SLC12A8: variants seen among roughly 807,000 people sequenced by gnomAD.
SLC12A8 encodes the protein cation-chloride cotransporter 9.
A neutral mutation model predicts 75.6 loss-of-function variants in SLC12A8; 69 were observed. The observed-to-expected ratio is 0.91, with a 90% CI of 0.75 to 1.11. The LOEUF (loss-of-function observed/expected upper bound fraction) is 1.11, where lower values mean the gene tolerates loss of function less well. SLC12A8 is among the 50% of genes most tolerant of loss of function. SLC12A8 has a pLI of 0.00. For missense variants in SLC12A8, 877 were observed against 896.7 expected (o/e 0.98, Z 0.28); for synonymous variants, 365 against 372.8 (o/e 0.98, Z 0.24).
At chr3:125,152,350 C>T (rs778530918) in intron 5 of SLC12A8, among the ~76,000 whole-genome samples, 1 of 152,194 alleles carries the variant, frequency 6.6e-6, no homozygotes, top group Non-Finnish European at 1.5e-5. Flanking sequence ...ACCTCTGGTA[C>T]GTGTGAGTTT....
At chr3:125,164,657 A>G (rs1251603798) in intron 5 of SLC12A8, among the ~76,000 whole-genome samples, 1 of 152,232 alleles carries the variant, frequency 6.6e-6, no homozygotes, top group African/African-American at 2.4e-5. Context: ...TGCCGGCCTG[A>G]GCGCTGAGGT....
At chr3:125,191,359 C>A (rs1262855074) in intron 2 of SLC12A8, among the ~76,000 whole-genome samples, 2 of 152,142 alleles carry the variant, frequency 1.3e-5, no homozygotes, top group Non-Finnish European at 2.9e-5. Flanking sequence ...TGATCTTAAA[C>A]AAAACCAGTA....
rs1366583359 is a variant in SLC12A8, at chr3:125,123,311, G to A, written c.737-2625C>T. 4.1e-5 allele frequency among the ~76,000 whole-genome samples: 6 copies of A among 145,276 alleles called. No individual in the cohort carries two copies. In the South Asian group the frequency reaches 1.1e-3, roughly 27 times the overall value. On this transcript the variant is annotated intron_variant, in intron 6 of 13. Transcript: ENST00000469902. The stretch of plus-strand genomic sequence containing the variant: ...GATCACTTGAGCCCAGGAGGTAGAA[G>A]TTGCAGTGAGCGGATATCATGCCAC...
intron 5 of SLC12A8, among the ~76,000 whole-genome samples, chr3:125,139,084 T>C (rs975017772): frequency 2.6e-5 from 4 of 152,186 alleles, no homozygotes; most frequent in Non-Finnish European, 4.4e-5. Context: ...CATCCCACAA[T>C]TGAAAGCCCA....
At chr3:125,116,027 C>CA (rs1471474908) in intron 8 of SLC12A8, among the ~76,000 whole-genome samples, 2 of 152,214 alleles carry the variant, frequency 1.3e-5, no homozygotes, top group Non-Finnish European at 2.9e-5. Flanking sequence ...CAGGTACTGC[C>CA]AGTAAAAACA....
Position 125,189,621 on chromosome 3 carries a change from T to C in SLC12A8, c.198+754A>G, listed in dbSNP as rs75756426. Among the ~76,000 whole-genome samples the C allele has an allele frequency of 6.2e-3, 945 of 152,358 alleles. 10 individuals carry two copies. The highest frequency in any genetic ancestry group is 0.02 in the African/African-American group (840 of 41,572). ...GAGGGCCCAGGCCATGTCTTGTCTT[T>C]TGTGATCCCACTGGCACTAAGTAGT... On this transcript the variant is annotated intron_variant, in intron 3 of 13. Coordinates refer to ENST00000469902, the MANE Select transcript of SLC12A8 (RefSeq NM_024628.6).
Position 125,083,833 on chromosome 3 carries a change from A to G in SLC12A8, c.*57T>C, listed in dbSNP as rs1574340. ...GAGAAGCAGCTCCACGAAGGTCCTG[A>G]GCTTGGGTCCACTGTACATGGGACA... On this transcript the variant is annotated 3_prime_UTR_variant, in exon 14 of 14. Transcript: ENST00000469902. 0.54 allele frequency: 828,470 copies of G among 1,543,906 alleles called. 226,124 individuals are homozygous for G. Among genetic ancestry groups the G allele is most frequent in the African/African-American group, 0.78 (57,551 of 73,338 alleles).
Position 125,108,068 on chromosome 3 carries a change from G to A in SLC12A8, c.1118C>T (p.Ala373Val), listed in dbSNP as rs1939084034. ...AICLTSLVTM[A>V]FVFVGQVNVL... is the part of the protein sequence containing the mutation. ...GTTCACTTGACCCACAAAAACAAAG[G>A]CCATGGTCACCAAGCTGGTCAGGCA... The change falls in exon 10 of 14, where the codon GCC becomes GTC. Residue 373 changes from alanine (A) to valine (V), a missense_variant. Transcript: ENST00000469902. 1 of 1,614,018 alleles carries A rather than the reference G, an allele frequency of 6.2e-7. No individual in the cohort carries two copies. Among genetic ancestry groups the A allele is most frequent in the African/African-American group, 1.3e-5 (1 of 74,898 alleles).
chr3:125,091,711 A>G (rs1938586412), intron 11 of SLC12A8, among the ~76,000 whole-genome samples, 155 bp from the exon 12 acceptor site: 1 of 152,080 alleles, frequency 6.6e-6, no homozygotes, highest in Non-Finnish European at 1.5e-5. Context: ...AATTCAAAAA[A>G]CCTCACTTAA....
chr3:125,147,313 A>AT (rs966681342), intron 5 of SLC12A8, among the ~76,000 whole-genome samples: 14 of 152,176 alleles, frequency 9.2e-5, no homozygotes, highest in African/African-American at 3.4e-4. Flanking sequence ...GGCTACTGCC[A>AT]TATCACCTGA....
intron 5 of SLC12A8, among the ~76,000 whole-genome samples, chr3:125,146,990 C>T (rs1240141058): frequency 6.6e-6 from 1 of 152,204 alleles, no homozygotes; most frequent in Non-Finnish European, 1.5e-5. Flanking sequence ...GTGGAAAGGA[C>T]CGTTGTGCTC....
intron 10 of SLC12A8, among the ~76,000 whole-genome samples, chr3:125,101,747 GTGATT>G (rs1325081552): frequency 6.6e-6 from 1 of 152,144 alleles, no homozygotes; most frequent in Non-Finnish European, 1.5e-5. Context: ...TTATTCCATT[GTGATT>G]TGATTATTAT....
At chr3:125,091,586 A>T in intron 11 of SLC12A8, 30 bp from the exon 12 acceptor site, 1 of 1,466,288 alleles carries the variant, frequency 6.8e-7, no homozygotes, top group Non-Finnish European at 9.6e-7. Flanking sequence ...AGAGCAAATC[A>T]CCTAATGGCT....
intron 4 of SLC12A8, among the ~76,000 whole-genome samples, chr3:125,181,325 G>C (rs1397696130): frequency 1.3e-5 from 2 of 152,004 alleles, no homozygotes; most frequent in African/African-American, 4.8e-5. Flanking sequence ...AAATAGGCCA[G>C]GCGCGGTGGC....
intron 5 of SLC12A8, among the ~76,000 whole-genome samples, chr3:125,156,674 GA>G (rs1560070510): frequency 6.6e-6 from 1 of 152,170 alleles, no homozygotes; most frequent in Admixed American, 6.6e-5. Flanking sequence ...ATGAGATCAC[GA>G]AACTGTCTCC....
At chr3:125,182,246 G>C (rs1934680844) in intron 4 of SLC12A8, among the ~76,000 whole-genome samples, 1 of 152,004 alleles carries the variant, frequency 6.6e-6, no homozygotes, top group African/African-American at 2.4e-5. Context: ...AGGATCACTG[G>C]AGCCCAGGAG....
At chr3:125,122,142 T>C (rs752470830) in intron 6 of SLC12A8, among the ~76,000 whole-genome samples, 1 of 152,236 alleles carries the variant, frequency 6.6e-6, no homozygotes, top group Non-Finnish European at 1.5e-5. Context: ...TGCTTAGTTT[T>C]AAGACGCATA....
chr3:125,168,578 A>G (rs1424310871), intron 5 of SLC12A8, among the ~76,000 whole-genome samples: 1 of 152,220 alleles, frequency 6.6e-6, no homozygotes, highest in Non-Finnish European at 1.5e-5. Context: ...CCCTGCCCAC[A>G]TCAGGGAACA....
intron 6 of SLC12A8, among the ~76,000 whole-genome samples, chr3:125,126,557 A>T (rs1971408): frequency 0.23 from 35,119 of 152,152 alleles, 5,258 homozygotes; most frequent in Non-Finnish European, 0.34. Flanking sequence ...CTTACTTATC[A>T]CCAATTACCA....
Sources: gnomAD v4.1 joint callset for allele counts (sites outside exome capture counted in the v4.1 genomes callset) on GRCh38, gnomAD v4.1.1 for gene constraint, MANE v1.5 for transcripts, NCBI Gene and HGNC (gene_info 2026-07-23, HGNC 2026-07-21) for gene names.